NUDT3: variants seen among roughly 807,000 people sequenced by gnomAD.
NUDT3 encodes the protein diphosphoinositol polyphosphate phosphohydrolase 1.
A neutral mutation model predicts 23.6 loss-of-function variants in NUDT3; 9 were observed. The observed-to-expected ratio is 0.38, with a 90% confidence interval of 0.23 to 0.66. The LOEUF (loss-of-function observed/expected upper bound fraction) is 0.66. NUDT3 is among the 30% of genes least tolerant of loss of function. The pLI, the probability that NUDT3 is intolerant of heterozygous loss-of-function variation, is 0.52. For synonymous variants in NUDT3, 86 were observed against 82.6 expected (o/e 1.04, Z -0.22); for missense variants, 172 against 218.5 (o/e 0.79, Z 1.34).
At position 34,308,046 on chromosome 6, in the gene NUDT3, A is replaced by C. The variant is rs564170587; in HGVS notation, c.211-12361T>G. 2.1e-5 allele frequency among the ~76,000 whole-genome samples: 3 copies of C among 140,700 alleles called. No homozygotes were observed. The East Asian group carries it at 6.6e-4, about 31-fold the overall frequency. The allele number at this position is 140,700 out of a possible 152,430, so 92.3% of individuals were successfully genotyped here. Reference sequence around the variant, plus strand: ...TGAGGCAGGAGTATCGCTTGAACCTAGGAGGCAGAGGTTGCGGTGAACCAA... The same window carrying C: ...TGAGGCAGGAGTATCGCTTGAACCTCGGAGGCAGAGGTTGCGGTGAACCAA... On this transcript the variant is annotated intron_variant, in intron 2 of 4. Transcript: ENST00000607016.
At chr6:34,361,692 T>C (rs1764652555) in intron 1 of NUDT3, among the ~76,000 whole-genome samples, 1 of 152,168 alleles carries the variant, frequency 6.6e-6, no homozygotes, top group Admixed American at 6.6e-5. Flanking sequence ...TATTATTCAG[T>C]ACTCAATCAA....
chr6:34,387,013 G>A (rs1765117544), intron 1 of NUDT3, among the ~76,000 whole-genome samples: 1 of 152,120 alleles, frequency 6.6e-6, no homozygotes, highest in Admixed American at 6.5e-5. Context: ...TACTTGTTGA[G>A]GTGGGAGGAT....
chr6:34,366,184 T>C (rs990685527), intron 1 of NUDT3, among the ~76,000 whole-genome samples: 7 of 148,546 alleles, frequency 4.7e-5, no homozygotes, highest in Non-Finnish European at 7.4e-5. Context: ...CTGGGCAACA[T>C]AGGAAGACCC....
At chr6:34,340,051 T>G (rs917965503) in intron 2 of NUDT3, among the ~76,000 whole-genome samples, 3 of 152,082 alleles carry the variant, frequency 2.0e-5, no homozygotes, top group African/African-American at 7.2e-5. Flanking sequence ...GGGGGACCCT[T>G]TGGGGAAAAT....
rs759624975 is a variant in NUDT3, at chr6:34,281,733, AAG to A, written c.*7018_*7019del. The A allele has an allele frequency of 7.9e-5, 12 of 152,374 alleles. No individual in the cohort carries two copies. The East Asian group carries it at 1.2e-3, about 15-fold the overall frequency. The allele number at this position is 152,374 out of a possible 1,614,324, so 9.4% of individuals were successfully genotyped here. On this transcript the variant is annotated 3_prime_UTR_variant, in exon 5 of 5. Transcript: ENST00000607016. ...TATGTCCATTCACAGATGGAAATGAAAGAGTGAGATTCTCAGAGGCTAAACAA... is the reference window on the plus strand; with the variant it reads ...TATGTCCATTCACAGATGGAAATGAAAGTGAGATTCTCAGAGGCTAAACAA...
chr6:34,369,802 GA>G (rs1313549115), intron 1 of NUDT3, among the ~76,000 whole-genome samples: 4 of 151,638 alleles, frequency 2.6e-5, no homozygotes, highest in Non-Finnish European at 4.4e-5. Flanking sequence ...GTCTTCTCAG[GA>G]AACTTGGCAA....
intron 1 of NUDT3, among the ~76,000 whole-genome samples, chr6:34,372,364 C>A (rs1022060147): frequency 3.9e-5 from 6 of 152,172 alleles, no homozygotes; most frequent in African/African-American, 1.4e-4. Flanking sequence ...CCACCAACAG[C>A]ATAAAAGTGT....
chr6:34,385,043 AAACTC>A (rs1561925901), intron 1 of NUDT3, among the ~76,000 whole-genome samples: 1 of 151,940 alleles, frequency 6.6e-6, no homozygotes, highest in Non-Finnish European at 1.5e-5. Flanking sequence ...AAAAAAAAAA[AAACTC>A]AAAACAAGAT....
chr6:34,308,906 T>C (rs1763725257), intron 2 of NUDT3, among the ~76,000 whole-genome samples: 1 of 152,162 alleles, frequency 6.6e-6, no homozygotes, highest in Non-Finnish European at 1.5e-5. Flanking sequence ...AAAATCAAAT[T>C]GACATAAGTG....
chr6:34,371,337 G>A (rs991875568), intron 1 of NUDT3, among the ~76,000 whole-genome samples: 18 of 151,676 alleles, frequency 1.2e-4, no homozygotes, highest in African/African-American at 4.1e-4. Flanking sequence ...GCGTGGTGGC[G>A]TGCCGGTAGT....
chr6:34,333,825 C>A (rs1000858225), intron 2 of NUDT3, among the ~76,000 whole-genome samples: 1 of 152,226 alleles, frequency 6.6e-6, no homozygotes, highest in Admixed American at 6.5e-5. Context: ...GATGATGTGA[C>A]CTGGCAGCTC....
chr6:34,335,695 G>A (rs76000906), intron 2 of NUDT3, among the ~76,000 whole-genome samples: 14,362 of 149,872 alleles, frequency 0.096, 787 homozygotes, highest in Non-Finnish European at 0.12. Flanking sequence ...AGTGTAATAT[G>A]TGAGACTTAC....
chr6:34,296,591 A>T (rs1231323618), intron 2 of NUDT3, among the ~76,000 whole-genome samples: 43 of 152,114 alleles, frequency 2.8e-4, no homozygotes, highest in African/African-American at 2.4e-5. Context: ...ATACATACAT[A>T]CATACACGCA....
intron 1 of NUDT3, among the ~76,000 whole-genome samples, chr6:34,345,879 C>T (rs922797050): frequency 6.6e-6 from 1 of 152,006 alleles, no homozygotes; most frequent in African/African-American, 2.4e-5. Context: ...AGCAATGCTC[C>T]TGCCTCAGCC....
intron 2 of NUDT3, among the ~76,000 whole-genome samples, chr6:34,303,194 G>A (rs1241542765): frequency 7.2e-6 from 1 of 139,638 alleles, no homozygotes; most frequent in African/African-American, 2.7e-5. Context: ...ACCATACCTG[G>A]CAATTTTTTT....
chr6:34,332,367 C>A (rs189344254), intron 2 of NUDT3, among the ~76,000 whole-genome samples: 1 of 151,992 alleles, frequency 6.6e-6, no homozygotes, highest in African/African-American at 2.4e-5. Flanking sequence ...GTTTTTTCCT[C>A]GTCATCTTCA....
At chr6:34,354,735 G>GTATATATATATATATATATATATATATA (rs142735114) in intron 1 of NUDT3, among the ~76,000 whole-genome samples, 2 of 120,692 alleles carry the variant, frequency 1.7e-5, no homozygotes, top group African/African-American at 5.8e-5. Context: ...GGGGGAAAAA[G>GTATATATATATATATATATATATATATA]TATATATATA....
chr6:34,381,188 T>C (rs1027978581), intron 1 of NUDT3, among the ~76,000 whole-genome samples: 1 of 152,036 alleles, frequency 6.6e-6, no homozygotes, highest in Non-Finnish European at 1.5e-5. Flanking sequence ...GGCTAATTTT[T>C]AAATTTTTTT....
At chr6:34,294,768 A>T (rs1306694445) in intron 3 of NUDT3, among the ~76,000 whole-genome samples, 5 of 151,542 alleles carry the variant, frequency 3.3e-5, no homozygotes, top group African/African-American at 1.2e-4. Context: ...TTTTTTCATC[A>T]GAGACCTTTC....
Sources: gnomAD v4.1 joint callset for allele counts (sites outside exome capture counted in the v4.1 genomes callset) on GRCh38, gnomAD v4.1.1 for gene constraint, MANE v1.5 for transcripts, NCBI Gene and HGNC (gene_info 2026-07-23, HGNC 2026-07-21) for gene names.